Variants in FAM228A observed in about 807,000 individuals in gnomAD.
FAM228A encodes protein FAM228A.
A neutral mutation model predicts 18.6 loss-of-function variants in FAM228A; 13 were observed. That is an observed-to-expected ratio of 0.70 (90% CI 0.45 to 1.11). The LOEUF (loss-of-function observed/expected upper bound fraction) is 1.11, where lower values mean the gene tolerates loss of function less well. Among genes scored for constraint, FAM228A ranks in the 50% least tolerant of loss-of-function variants. The pLI is 0.00. For missense variants in FAM228A, 240 were observed against 242.2 expected (o/e 0.99, Z 0.06); for synonymous variants, 77 against 86.6 (o/e 0.89, Z 0.61).
intron 5 of FAM228A, chr2:24,188,479 C>T (rs1321149225): frequency 1.0e-6 from 1 of 985,244 alleles, no homozygotes; most frequent in Non-Finnish European, 1.2e-6. Flanking sequence ...GAGTTTCTGT[C>T]CTCCATTGAG....
At chr2:24,176,397 C>G (rs1274921060) in intron 2 of FAM228A, among the ~76,000 whole-genome samples, 2 of 152,194 alleles carry the variant, frequency 1.3e-5, no homozygotes, top group East Asian at 3.9e-4. Context: ...GTAGCCCAGG[C>G]TGGGGTGCAG....
At chr2:24,175,210 CG>C (rs1667649413) in intron 1 of FAM228A, 36 bp downstream of exon 1, 1 of 418,258 alleles carries the variant, frequency 2.4e-6, no homozygotes, top group African/African-American at 2.1e-5. Flanking sequence ...CTGGGGGTCG[CG>C]GAGCCCAGGG....
At chr2:24,176,052 T>C in intron 2 of FAM228A, 2 of 985,460 alleles carry the variant, frequency 2.0e-6, no homozygotes, top group Non-Finnish European at 2.4e-6. Flanking sequence ...TTTCGAAAAG[T>C]GCTGCTGCAA....
chr2:24,175,268 C>T, intron 1 of FAM228A, 94 bp downstream of exon 1: 1 of 557,960 alleles, frequency 1.8e-6, no homozygotes, highest in Non-Finnish European at 3.2e-6. Flanking sequence ...GAAAGGCCCG[C>T]TTTGGCCCGA....
At position 24,183,509 on chromosome 2, in the gene FAM228A, A is replaced by G. The variant is rs777543392; in HGVS notation, c.265A>G (p.Ile89Val). 1.1e-5 allele frequency: 18 copies of G among 1,611,606 alleles called. No individual in the cohort carries two copies. In the Admixed American group the frequency reaches 1.8e-4, roughly 17 times the overall value. Reference protein sequence around the residue: ...LQCETGKRHSIKELEEIEKAR... With the variant: ...LQCETGKRHSVKELEEIEKAR... ...TCTTCCTGTAGGAAAACGACATTCC[A>G]TAAAAGAACTTGAAGAAATAGAGAA... is the stretch of plus-strand genomic sequence containing the variant. Residue 89 changes from isoleucine to valine, a missense_variant, in exon 5 of 6, where the codon ATA becomes GTA. By Grantham distance (29) the Ile-to-Val change is conservative. Coordinates refer to ENST00000295150, the MANE Select transcript of FAM228A (RefSeq NM_001040710.3).
intron 5 of FAM228A, among the ~76,000 whole-genome samples, chr2:24,187,668 G>T (rs1172744844): frequency 6.6e-6 from 1 of 152,042 alleles, no homozygotes; most frequent in East Asian, 1.9e-4. Context: ...ATGTCATATG[G>T]TTGGAATCAT....
chr2:24,183,574 T>G lies in FAM228A; in HGVS notation c.330T>G (p.Thr110=). Residue 110 remains threonine (T), a synonymous_variant, in exon 5 of 6, where the codon ACT becomes ACG. Coordinates refer to ENST00000295150, the MANE Select transcript of FAM228A (RefSeq NM_001040710.3). ...LHASSPYFTF[T]SHCVIPKEWH... ...CCAGCTCGCCCTACTTCACTTTCAC[T>G]TCACACTGTGTGATTCCAAAAGAGT... 1 of 1,614,054 alleles carries G rather than the reference T, an allele frequency of 6.2e-7. No individual in the cohort carries two copies. Among genetic ancestry groups the G allele is most frequent in the Non-Finnish European group, 8.5e-7 (1 of 1,179,916 alleles).
chr2:24,190,784 G>A lies in FAM228A; in HGVS notation c.*153G>A. 1 of 1,330,658 alleles carries A rather than the reference G, an allele frequency of 7.5e-7. No individual in the cohort carries two copies. Among genetic ancestry groups the A allele is most frequent in the Non-Finnish European group, 9.6e-7 (1 of 1,036,422 alleles). The allele number at this position is 1,330,658 out of a possible 1,614,324, so 82.4% of individuals were successfully genotyped here. Reference sequence around the variant, plus strand: ...AGGGCCCCTCGGGCGGGGAAGCCTTGCATGAAGAAACTCAGACAAGTGGTA... The same window carrying A: ...AGGGCCCCTCGGGCGGGGAAGCCTTACATGAAGAAACTCAGACAAGTGGTA... On this transcript the variant is annotated 3_prime_UTR_variant, in exon 6 of 6. Transcript: ENST00000295150.
intron 5 of FAM228A, chr2:24,188,552 T>C (rs941454683): frequency 3.7e-5 from 36 of 985,270 alleles, no homozygotes; most frequent in Non-Finnish European, 4.0e-5. Flanking sequence ...CAAGGTTAAA[T>C]ACCCACCTGT....
In FAM228A at chr2:24,183,281, G is replaced by C; in HGVS notation, c.163-4G>C. ...GTACTCAAAGAGTCTCATTTCTCTT[G>C]TAGGTTACAGTCCCACCATTTGTTG... On this transcript the variant is annotated splice_region_variant and splice_polypyrimidine_tract_variant and intron_variant, in intron 3 of 5. Coordinates refer to ENST00000295150, the MANE Select transcript of FAM228A (RefSeq NM_001040710.3). 1 of 1,608,140 alleles carries C rather than the reference G, an allele frequency of 6.2e-7. No individual in the cohort carries two copies. Among genetic ancestry groups the C allele is most frequent in the Non-Finnish European group, 8.5e-7 (1 of 1,174,616 alleles).
chr2:24,179,717 G>C (rs190186680), intron 3 of FAM228A, among the ~76,000 whole-genome samples: 148 of 152,260 alleles, frequency 9.7e-4, no homozygotes, highest in East Asian at 2.1e-3. Flanking sequence ...CTTCATTCAG[G>C]GCAGGAGGAA....
rs1411201683 is a variant in FAM228A at position 24,183,293 on chromosome 2, C to A, written c.171C>A (p.Val57=). The change falls in exon 4 of 6, where the codon GTC becomes GTA. Residue 57 remains valine (V), a synonymous_variant. Transcript: ENST00000295150. ...TCTCATTTCTCTTGTAGGTTACAGT[C>A]CCACCATTTGTTGATCCTCTGTTTC... The part of the protein sequence containing the change: ...FKENSIVKVT[V]PPFVDPLFQR... 1 of 1,612,328 alleles carries A rather than the reference C, an allele frequency of 6.2e-7. No individual in the cohort carries two copies. The highest frequency in any genetic ancestry group is 2.2e-5 in the East Asian group (1 of 44,884).
Position 24,190,565 on chromosome 2 carries a change from C to T in FAM228A, c.555C>T (p.Gly185=). Residue 185 remains glycine (G), a synonymous_variant, in exon 6 of 6, where the codon GGC becomes GGT. Transcript: ENST00000295150. Reference sequence around the variant, plus strand: ...AAAGAAAGGGTCTGGTGAGCAGAGGCCTGGGGCGGGGCTGGCATGCAGGGC... The same window carrying T: ...AAAGAAAGGGTCTGGTGAGCAGAGGTCTGGGGCGGGGCTGGCATGCAGGGC... The part of the protein sequence containing the change: ...VGERKGLVSR[G]LGRGWHAGLC... The T allele has an allele frequency of 6.2e-7, 1 of 1,612,546 alleles. No individual in the cohort carries two copies. Among genetic ancestry groups the T allele is most frequent in the African/African-American group, 1.3e-5 (1 of 74,874 alleles).
rs772716681 is a variant in FAM228A, at chr2:24,190,638, G to A, written c.*7G>A. On this transcript the variant is annotated 3_prime_UTR_variant, in exon 6 of 6. Transcript: ENST00000295150. ...CATACTGGTTCCAGAATGAGCCACC[G>A]CCACAGCCCTCCCTGTCAGACAGGC... 2.6e-5 allele frequency: 40 copies of A among 1,528,606 alleles called. No individual in the cohort carries two copies. The highest frequency in any genetic ancestry group is 2.2e-4 in the Middle Eastern group (1 of 4,508). The allele number at this position is 1,528,606 out of a possible 1,614,324, so 94.7% of individuals were successfully genotyped here. A position where few individuals can be genotyped will look rare whatever the true frequency, so the allele number is the denominator to read the frequency against.
chr2:24,190,068 T>G (rs1668043704), intron 5 of FAM228A, among the ~76,000 whole-genome samples: 1 of 152,134 alleles, frequency 6.6e-6, no homozygotes, highest in Admixed American at 6.5e-5. Context: ...TTCCTGTGAG[T>G]GCTGGCAAGT....
At chr2:24,184,232 T>G (rs1032447540) in intron 5 of FAM228A, among the ~76,000 whole-genome samples, 12 of 152,050 alleles carry the variant, frequency 7.9e-5, no homozygotes, top group Admixed American at 7.9e-4. Context: ...ATACAAAAAT[T>G]AGCTGGGCAT....
chr2:24,182,264 T>C (rs1009445885), intron 3 of FAM228A, among the ~76,000 whole-genome samples: 11 of 152,188 alleles, frequency 7.2e-5, no homozygotes, highest in African/African-American at 2.7e-4. Flanking sequence ...TTAAAAAATA[T>C]GTATGGCTCT....
chr2:24,175,609 C>CG (rs759614584), intron 2 of FAM228A, 36 bp downstream of exon 2: 24 of 1,491,136 alleles, frequency 1.6e-5, no homozygotes, highest in East Asian at 2.3e-5. Flanking sequence ...GTCATTTTGG[C>CG]GGGGGGACCC....
chr2:24,184,826 CTT>C (rs1169233564), intron 5 of FAM228A, among the ~76,000 whole-genome samples: 13 of 138,374 alleles, frequency 9.4e-5, no homozygotes, highest in African/African-American at 1.1e-4. Flanking sequence ...GCTGTATGGC[CTT>C]TTTTTTTTTT....
Sources: gnomAD v4.1 joint callset for allele counts (sites outside exome capture counted in the v4.1 genomes callset) on GRCh38, gnomAD v4.1.1 for gene constraint, MANE v1.5 for transcripts, NCBI Gene and HGNC (gene_info 2026-07-23, HGNC 2026-07-21) for gene names.